Variants in CNTNAP3 observed in about 807,000 individuals in gnomAD.
CNTNAP3 encodes contactin-associated protein-like 3.
A neutral mutation model predicts 92.1 loss-of-function variants in CNTNAP3; 36 were observed. The ratio of observed to expected loss-of-function variants is 0.39; its 90% confidence interval spans 0.30 to 0.52. The LOEUF (loss-of-function observed/expected upper bound fraction) is 0.52. CNTNAP3 is among the 20% of genes least tolerant of loss of function. The probability of loss-of-function intolerance (pLI) is 0.76; values close to 1 mark genes in which losing one functional copy is unlikely to be tolerated. For synonymous variants in CNTNAP3, 232 were observed against 422.3 expected, an observed-to-expected ratio of 0.55 and a Z score of 5.53; for missense variants, 534 against 1,069.6, an observed-to-expected ratio of 0.50 and a Z score of 6.98.
At chr9:39,097,046 A>G (rs1587705111) in intron 18 of CNTNAP3, among the ~76,000 whole-genome samples, 1 of 151,686 alleles carries the variant, frequency 6.6e-6, no homozygotes, top group African/African-American at 2.4e-5. Context: ...CTGATGATCT[A>G]TTTTTTTCAT....
chr9:39,136,160 T>TAATAATAATAATAATAATAAA (rs989573403), intron 12 of CNTNAP3, among the ~76,000 whole-genome samples: 4 of 134,808 alleles, frequency 3.0e-5, no homozygotes, highest in African/African-American at 1.2e-4. Context: ...ATAATAATAA[T>TAATAATAATAATAATAATAAA]AATAAAAATA....
chr9:39,118,149 T>C lies in CNTNAP3; in HGVS notation c.2191A>G (p.Ile731Val), dbSNP rs201242298. The change falls in exon 14 of 24, where the codon ATT (isoleucine) becomes GTT (valine). Residue 731 changes from isoleucine to valine, a missense_variant. Ile to Val is a conservative substitution (Grantham distance 29). Coordinates refer to ENST00000297668, the MANE Select transcript of CNTNAP3 (RefSeq NM_033655.5). ...KCTCGLEGNC[I>V]DSQYYCNCDA... ...CAGTTGCAGTAATACTGAGAATCAA[T>C]GCAGTTCCCCTCTAATCCACAAGTA... 1.9e-5 allele frequency: 30 copies of C among 1,611,040 alleles called. No individual in the cohort carries two copies. The highest frequency in any genetic ancestry group is 2.1e-5 in the Non-Finnish European group (25 of 1,179,286).
At chr9:39,084,221 CAG>C (rs1280971960) in intron 21 of CNTNAP3, among the ~76,000 whole-genome samples, 2 of 107,596 alleles carry the variant, frequency 1.9e-5, no homozygotes, top group Non-Finnish European at 3.7e-5. Flanking sequence ...TTTTTTGAGA[CAG>C]AGTCTCGCTC....
rs7874155 is a variant in CNTNAP3, at chr9:39,096,461, G to A, written c.2995+3450C>T. On this transcript the variant is annotated intron_variant, in intron 18 of 23. Coordinates refer to ENST00000297668, the MANE Select transcript of CNTNAP3 (RefSeq NM_033655.5). ...GTTGTACGTTATTTATGGGGTAGAG[G>A]TAATATTTTGATACAACCAAACAAT... Among the ~76,000 whole-genome samples, 760 of 152,036 alleles carry A rather than the reference G, an allele frequency of 5.0e-3. 4 individuals are homozygous for A. Among genetic ancestry groups the A allele is most frequent in the African/African-American group, 0.016 (680 of 41,490 alleles).
At chr9:39,104,623 C>T (rs2778218) in intron 15 of CNTNAP3, among the ~76,000 whole-genome samples, 1 of 151,986 alleles carries the variant, frequency 6.6e-6, no homozygotes, top group African/African-American at 2.4e-5. Context: ...CACATGTATT[C>T]CTCAGGCCTC....
chr9:39,101,632 CG>C (rs1826457561), intron 17 of CNTNAP3, among the ~76,000 whole-genome samples: 1 of 146,848 alleles, frequency 6.8e-6, no homozygotes, highest in South Asian at 2.3e-4. Flanking sequence ...CGAGGAAAAC[CG>C]GGAGTGGGCT....
chr9:39,121,935 C>T (rs1821032718), intron 13 of CNTNAP3, among the ~76,000 whole-genome samples: 1 of 152,042 alleles, frequency 6.6e-6, no homozygotes, highest in African/African-American at 2.4e-5. Flanking sequence ...AATGGAAATA[C>T]CCAGCACCAG....
chr9:39,109,191 A>G lies in CNTNAP3; in HGVS notation c.2334T>C (p.Tyr778=), dbSNP rs1339057643. The G allele has an allele frequency of 3.7e-6, 6 of 1,612,956 alleles. No homozygotes were observed. The African/African-American group carries it at 4.0e-5, about 11-fold the overall frequency. The change falls in exon 15 of 24, where the codon TAT becomes TAC. Residue 778 remains tyrosine, a synonymous_variant. Transcript: ENST00000297668. ...DAGRPHSEAA[Y]TLGPLLCRGD... Reference sequence around the variant, plus strand: ...CGCGGCAGAGCAGTGGCCCCAGTGTATAAGCTGCTTCGGAATGTGGTCGGC... The same window carrying G: ...CGCGGCAGAGCAGTGGCCCCAGTGTGTAAGCTGCTTCGGAATGTGGTCGGC...
intron 21 of CNTNAP3, among the ~76,000 whole-genome samples, chr9:39,080,731 G>A (rs1183749928): frequency 2.3e-5 from 3 of 128,562 alleles, no homozygotes; most frequent in East Asian, 2.5e-4. Flanking sequence ...GCGCGATCTC[G>A]GCTCACTGCA....
At position 39,133,057 on chromosome 9, in the gene CNTNAP3, C is replaced by A. The variant is rs1372488255; in HGVS notation, c.1955G>T (p.Arg652Leu). 7.7e-6 allele frequency: 12 copies of A among 1,555,622 alleles called. No homozygotes were observed. The highest frequency in any genetic ancestry group is 4.0e-5 in the African/African-American group (3 of 74,214). The change falls in exon 13 of 24, where the codon CGC (arginine) becomes CTC (leucine). Residue 652 changes from arginine (R) to leucine (L), a missense_variant. Physicochemically the swap from Arg to Leu is moderately radical, Grantham distance 102 (BLOSUM62 -2). Transcript: ENST00000297668. ...TLRGAPSGHP[R>L]SAVSFAYAAG... The stretch of plus-strand genomic sequence containing the variant: ...TGCGTACGCGAAGGACACAGCCGAG[C>A]GCGGGTGCCCGCTGGGGGCACCTCG...
chr9:39,125,443 C>A (rs1446628678), intron 13 of CNTNAP3, among the ~76,000 whole-genome samples: 1 of 152,024 alleles, frequency 6.6e-6, no homozygotes, highest in Non-Finnish European at 1.5e-5. Flanking sequence ...ACCAACATGG[C>A]ACATGGATAC....
chr9:39,145,832 G>A (rs1278668104), intron 10 of CNTNAP3, among the ~76,000 whole-genome samples: 2 of 141,824 alleles, frequency 1.4e-5, no homozygotes, highest in African/African-American at 5.1e-5. Context: ...GGAGTGACAG[G>A]CAAGGTTGGC....
At chr9:39,083,520 G>T (rs534528491) in intron 21 of CNTNAP3, among the ~76,000 whole-genome samples, 6 of 151,828 alleles carry the variant, frequency 4.0e-5, no homozygotes, top group Non-Finnish European at 7.4e-5. Flanking sequence ...TTAGCCAGGC[G>T]TGGTGGTACA....
rs920827643 is a variant in CNTNAP3 at position 39,124,694 on chromosome 9, G to A, written c.2081-6435C>T. Among the ~76,000 whole-genome samples the A allele has an allele frequency of 4.1e-3, 618 of 152,008 alleles. 2 individuals carry two copies. Among genetic ancestry groups the A allele is most frequent in the African/African-American group, 0.013 (557 of 41,462 alleles). ...AAATCAACCTCATCAAAAAGTGGGC[G>A]AAGTATATGAACAGACACTTCTCAA... On this transcript the variant is annotated intron_variant, in intron 13 of 23. Coordinates refer to ENST00000297668, the MANE Select transcript of CNTNAP3 (RefSeq NM_033655.5).
At chr9:39,136,765 G>A (rs1467490873) in intron 12 of CNTNAP3, among the ~76,000 whole-genome samples, 1 of 151,940 alleles carries the variant, frequency 6.6e-6, no homozygotes, top group Non-Finnish European at 1.5e-5. Flanking sequence ...GCCAGGCATG[G>A]TGTCACATGC....
At chr9:39,143,487 C>A (rs1410944246) in intron 11 of CNTNAP3, among the ~76,000 whole-genome samples, 2 of 152,118 alleles carry the variant, frequency 1.3e-5, no homozygotes, top group East Asian at 1.9e-4. Context: ...CATCTTCCCA[C>A]AAACTAGCTG....
At chr9:39,097,326 G>A (rs1826349613) in intron 18 of CNTNAP3, among the ~76,000 whole-genome samples, 3 of 151,978 alleles carry the variant, frequency 2.0e-5, no homozygotes, top group Non-Finnish European at 1.5e-5. Flanking sequence ...TTGGTTGAAT[G>A]TGCCTCACTG....
intron 23 of CNTNAP3, among the ~76,000 whole-genome samples, chr9:39,077,033 ATAAAT>A (rs1384870255): frequency 1.3e-5 from 2 of 152,402 alleles, no homozygotes; most frequent in Non-Finnish European, 2.9e-5. Context: ...CCAGCTCTAA[ATAAAT>A]TATATTTTAG....
rs1189491184 is a variant in CNTNAP3 at position 39,072,763 on chromosome 9, G to A, written c.*1127C>T. ...TTCAAAATTTAGAAAAGGAATTAGT[G>A]ATCTTCAGTTAAGCTATTTTTTTAA... On this transcript the variant is annotated 3_prime_UTR_variant, in exon 24 of 24. Transcript: ENST00000297668. The A allele has an allele frequency of 6.6e-6, 1 of 151,920 alleles. No individual in the cohort carries two copies. Among genetic ancestry groups the A allele is most frequent in the East Asian group, 1.9e-4 (1 of 5,168 alleles). The allele number at this position is 151,920 out of a possible 1,614,324, so 9.4% of individuals were successfully genotyped here.
Sources: gnomAD v4.1 joint callset for allele counts (sites outside exome capture counted in the v4.1 genomes callset) on GRCh38, gnomAD v4.1.1 for gene constraint, MANE v1.5 for transcripts, NCBI Gene and HGNC (gene_info 2026-07-23, HGNC 2026-07-21) for gene names.